The following PPP1R9A variants were observed in gnomAD, a reference collection of about 807,000 sequenced individuals.
PPP1R9A encodes the protein neurabin-1.
PPP1R9A carries 59 observed loss-of-function variants against 141.9 expected under a neutral mutation model. The observed-to-expected ratio is 0.42, with a 90% CI of 0.34 to 0.52. PPP1R9A has a LOEUF of 0.52. Ranked by LOEUF, PPP1R9A falls within the 20% of genes least tolerant of loss-of-function variation. The probability of loss-of-function intolerance (pLI) is 0.10; values close to 1 mark genes in which losing one functional copy is unlikely to be tolerated. For synonymous variants in PPP1R9A, 500 were observed against 569.7 expected (o/e 0.88, Z 1.74); for missense variants, 1,444 against 1,611.9 (o/e 0.90, Z 1.78).
chr7:95,161,864 A>AAT lies in PPP1R9A; in HGVS notation c.1650-2_1650-1insTA, dbSNP rs1361904901. ...TGTGGGTAATTTTTTCCTCTTTCTA[A>AAT]AGAATACAAGTCAATGACCAGATTG... is the stretch of plus-strand genomic sequence containing the variant. On this transcript the variant is annotated splice_polypyrimidine_tract_variant and splice_region_variant and intron_variant, in intron 4 of 19. Transcript: ENST00000433360. 1 of 1,594,650 alleles carries AAT rather than the reference A, an allele frequency of 6.3e-7. No individual in the cohort carries two copies. The highest frequency in any genetic ancestry group is 2.3e-5 in the East Asian group (1 of 44,360).
rs146155844 is a variant in PPP1R9A at position 95,108,677 on chromosome 7, G to C, written c.1396-2582G>C. Among the ~76,000 whole-genome samples, 990 of 151,810 alleles carry C rather than the reference G, an allele frequency of 6.5e-3. 25 individuals carry two copies. The highest frequency in any genetic ancestry group is 0.045 in the East Asian group (232 of 5,162). ...CCAATATGCAGTCTTACTGTTTTAG[G>C]TTTGTTTTATTTAATTTCAGAATAC... On this transcript the variant is annotated intron_variant, in intron 2 of 19. Transcript: ENST00000433360.
chr7:95,097,153 A>T (rs1053809498), intron 2 of PPP1R9A, among the ~76,000 whole-genome samples: 2 of 151,996 alleles, frequency 1.3e-5, no homozygotes, highest in African/African-American at 2.4e-5. Context: ...CCTCCTGAGT[A>T]GCTGGGATTA....
chr7:95,140,805 C>T (rs1187501864), intron 4 of PPP1R9A, among the ~76,000 whole-genome samples: 1 of 152,200 alleles, frequency 6.6e-6, no homozygotes, highest in Non-Finnish European at 1.5e-5. Context: ...CCTCTGCCTC[C>T]AAAGCTCAAG....
intron 1 of PPP1R9A, chr7:94,908,686 T>G (rs1308642579): frequency 1.3e-5 from 2 of 152,190 alleles, no homozygotes; most frequent in Admixed American, 1.3e-4. Flanking sequence ...TGGGTTGGAA[T>G]TGGCGGGGGA....
At chr7:95,190,083 G>A (rs532277826) in intron 5 of PPP1R9A, among the ~76,000 whole-genome samples, 34 of 151,260 alleles carry the variant, frequency 2.2e-4, no homozygotes, top group Non-Finnish European at 4.6e-4. Context: ...GATCCCTTGC[G>A]CATGTTATAG....
rs1005242422 is a variant in PPP1R9A at position 95,293,382 on chromosome 7, C to T, written c.*3079C>T. 2.6e-5 allele frequency: 4 copies of T among 152,078 alleles called. No homozygotes were observed. The highest frequency in any genetic ancestry group is 9.7e-5 in the African/African-American group (4 of 41,390). The allele number at this position is 152,078 out of a possible 1,614,324, so 9.4% of individuals were successfully genotyped here. On this transcript the variant is annotated 3_prime_UTR_variant, in exon 20 of 20. Coordinates refer to ENST00000433360, the MANE Select transcript of PPP1R9A (RefSeq NM_001166160.2). ...CCATTCTAACACTCCTGATGAAGTC[C>T]CCCTTTAGTTTCATGACAATAAAGC...
At chr7:94,949,702 T>A (rs1796253761) in intron 2 of PPP1R9A, among the ~76,000 whole-genome samples, 1 of 151,862 alleles carries the variant, frequency 6.6e-6, no homozygotes, top group Non-Finnish European at 1.5e-5. Flanking sequence ...GGCAGGAACC[T>A]CACCTGGGGG....
At chr7:95,237,998 T>G (rs1796945167) in intron 8 of PPP1R9A, among the ~76,000 whole-genome samples, 1 of 152,150 alleles carries the variant, frequency 6.6e-6, no homozygotes, top group Non-Finnish European at 1.5e-5. Context: ...AGTTATACAT[T>G]TGTATTTTAT....
At chr7:94,968,261 CT>C (rs1351276106) in intron 2 of PPP1R9A, among the ~76,000 whole-genome samples, 1 of 151,748 alleles carries the variant, frequency 6.6e-6, no homozygotes, top group Admixed American at 6.6e-5. Flanking sequence ...CAAGCTCCGC[CT>C]CCCGGGTTCA....
intron 7 of PPP1R9A, among the ~76,000 whole-genome samples, chr7:95,208,887 T>G (rs2152901833): frequency 6.7e-6 from 1 of 148,704 alleles, no homozygotes; most frequent in Middle Eastern, 3.6e-3. Flanking sequence ...CACAATATTA[T>G]TCCATTTATA....
chr7:95,139,818 A>G (rs1311550924), intron 4 of PPP1R9A, among the ~76,000 whole-genome samples: 2 of 151,478 alleles, frequency 1.3e-5, no homozygotes, highest in South Asian at 2.1e-4. Flanking sequence ...ATTAAAAAAA[A>G]AAAAAAAAGA....
intron 2 of PPP1R9A, among the ~76,000 whole-genome samples, chr7:95,083,204 G>A (rs143516575): frequency 6.6e-6 from 1 of 151,976 alleles, no homozygotes; most frequent in African/African-American, 2.4e-5. Context: ...AGGTAAATCT[G>A]TGTATTTTTA....
chr7:94,947,827 GC>G (rs1444126349), intron 2 of PPP1R9A, among the ~76,000 whole-genome samples: 2 of 152,138 alleles, frequency 1.3e-5, no homozygotes, highest in East Asian at 3.9e-4. Flanking sequence ...AAATATGTAT[GC>G]TAATAACAGG....
chr7:95,065,541 G>A (rs768414275), intron 2 of PPP1R9A, among the ~76,000 whole-genome samples: 20 of 152,170 alleles, frequency 1.3e-4, no homozygotes, highest in Non-Finnish European at 2.6e-4. Context: ...GTACCTGCCT[G>A]TTTTCAGGGG....
intron 2 of PPP1R9A, among the ~76,000 whole-genome samples, chr7:95,032,386 A>G (rs1339337819): frequency 6.6e-6 from 1 of 152,144 alleles, no homozygotes; most frequent in Non-Finnish European, 1.5e-5. Context: ...TGAATGAGAA[A>G]CTGAGATCTA....
intron 2 of PPP1R9A, among the ~76,000 whole-genome samples, chr7:95,003,557 A>G (rs1352121208): frequency 6.6e-6 from 1 of 152,182 alleles, no homozygotes; most frequent in Non-Finnish European, 1.5e-5. Flanking sequence ...TTTAATATTT[A>G]TGTAACTTTT....
rs1237318528 is a variant in PPP1R9A at position 95,292,457 on chromosome 7, C to T, written c.*2154C>T. On this transcript the variant is annotated 3_prime_UTR_variant, in exon 20 of 20. Coordinates refer to ENST00000433360, the MANE Select transcript of PPP1R9A (RefSeq NM_001166160.2). ...GGATGATTATCTTAAGTTATGTTTA[C>T]ACTTTGGTAATATTTGAAAATGGAT... 1 of 152,534 alleles carries T rather than the reference C, an allele frequency of 6.6e-6. No homozygotes were observed. Among genetic ancestry groups the T allele is most frequent in the Non-Finnish European group, 1.5e-5 (1 of 68,016 alleles). 9.4% of individuals were successfully genotyped at this position (152,534 alleles called of 1,614,324 possible). A position where few individuals can be genotyped will look rare whatever the true frequency, so the allele number is the denominator to read the frequency against.
At chr7:95,004,613 C>A (rs1302392011) in intron 2 of PPP1R9A, among the ~76,000 whole-genome samples, 1 of 152,090 alleles carries the variant, frequency 6.6e-6, no homozygotes, top group Non-Finnish European at 1.5e-5. Context: ...CCTAAATGAA[C>A]CTTCTTTAGA....
intron 2 of PPP1R9A, among the ~76,000 whole-genome samples, chr7:95,077,184 C>T (rs991330216): frequency 6.6e-6 from 1 of 152,046 alleles, no homozygotes; most frequent in Non-Finnish European, 1.5e-5. Context: ...TAAATGTTTG[C>T]TCTTAATTAT....
Sources: allele counts gnomAD v4.1 joint callset (sites outside exome capture counted in the v4.1 genomes callset), GRCh38; gene constraint gnomAD v4.1.1; transcripts MANE v1.5; gene names NCBI Gene and HGNC (gene_info 2026-07-23, HGNC 2026-07-21).